The following CA10 variants were observed in gnomAD, a reference collection of about 807,000 sequenced individuals.
CA10 encodes the protein carbonic anhydrase 10 (inactive).
CA10 carries 14 observed loss-of-function variants against 44.2 expected under a neutral mutation model. That is an observed-to-expected ratio of 0.32 (90% CI 0.21 to 0.50). The LOEUF is 0.50. Ranked by LOEUF, CA10 falls within the 20% of genes least tolerant of loss-of-function variation. The probability of loss-of-function intolerance (pLI) is 0.99; values close to 1 mark genes in which losing one functional copy is unlikely to be tolerated. For synonymous variants in CA10, 159 were observed against 141.6 expected (o/e 1.12, Z -0.87); for missense variants, 350 against 409.7 (o/e 0.85, Z 1.26).
intron 2 of CA10, among the ~76,000 whole-genome samples, chr17:51,984,098 A>G (rs1444708567): frequency 6.6e-6 from 1 of 151,750 alleles, no homozygotes; most frequent in East Asian, 1.9e-4. Flanking sequence ...ATTCTATTAG[A>G]CTACTAATGT....
intron 4 of CA10, among the ~76,000 whole-genome samples, chr17:51,670,949 A>T (rs1266830985): frequency 6.6e-6 from 1 of 152,132 alleles, no homozygotes; most frequent in South Asian, 2.1e-4. Flanking sequence ...CCTCTAATAG[A>T]CGGAAGTGCT....
intron 3 of CA10, among the ~76,000 whole-genome samples, chr17:51,801,848 A>G (rs999213086): frequency 6.6e-6 from 1 of 152,226 alleles, no homozygotes; most frequent in Non-Finnish European, 1.5e-5. Flanking sequence ...TGTAATTCCC[A>G]TAGTGGTTCT....
At chr17:51,757,107 G>A (rs929305413) in intron 3 of CA10, among the ~76,000 whole-genome samples, 4 of 152,144 alleles carry the variant, frequency 2.6e-5, no homozygotes, top group Admixed American at 6.5e-5. Flanking sequence ...CTGCTGAGGT[G>A]TGTAATAGGC....
intron 3 of CA10, among the ~76,000 whole-genome samples, chr17:51,887,411 T>C (rs551875512): frequency 6.6e-6 from 1 of 152,256 alleles, no homozygotes; most frequent in Admixed American, 6.5e-5. Context: ...GACTCTGAGA[T>C]GAGTAGAAAC....
intron 4 of CA10, among the ~76,000 whole-genome samples, chr17:51,721,879 C>T (rs970815548): frequency 8.5e-5 from 13 of 152,090 alleles, no homozygotes; most frequent in Non-Finnish European, 1.3e-4. Flanking sequence ...TGTTCCATGT[C>T]GCTGCTCCTG....
chr17:52,044,410 C>T (rs1986852358), intron 2 of CA10, among the ~76,000 whole-genome samples: 1 of 152,028 alleles, frequency 6.6e-6, no homozygotes, highest in South Asian at 2.1e-4. Context: ...CTCAAGCAAT[C>T]CTCCCACCTC....
At chr17:51,693,646 T>A (rs993835488) in intron 4 of CA10, among the ~76,000 whole-genome samples, 4 of 152,194 alleles carry the variant, frequency 2.6e-5, no homozygotes, top group Admixed American at 1.3e-4. Flanking sequence ...TCCAGCTGCA[T>A]CCATATTCCT....
intron 4 of CA10, among the ~76,000 whole-genome samples, chr17:51,658,408 T>C (rs1913880570): frequency 1.3e-5 from 2 of 152,036 alleles, no homozygotes; most frequent in African/African-American, 4.8e-5. Flanking sequence ...AAGGTAGTAG[T>C]GGAAAGAATG....
At chr17:51,888,301 T>C (rs1980704554) in intron 3 of CA10, among the ~76,000 whole-genome samples, 1 of 151,386 alleles carries the variant, frequency 6.6e-6, no homozygotes, top group Non-Finnish European at 1.5e-5. Flanking sequence ...TGGTTCAGAG[T>C]TTTCCAGACA....
At chr17:51,731,078 T>C (rs954530328) in intron 4 of CA10, among the ~76,000 whole-genome samples, 1 of 152,238 alleles carries the variant, frequency 6.6e-6, no homozygotes, top group African/African-American at 2.4e-5. Context: ...ACAGGCTCCA[T>C]ATCAAGAAAG....
intron 1 of CA10, among the ~76,000 whole-genome samples, chr17:52,089,070 T>C (rs1255164603): frequency 6.6e-6 from 1 of 152,216 alleles, no homozygotes; most frequent in East Asian, 1.9e-4. Flanking sequence ...GGCAGGATCA[T>C]GTAATCACGA....
intron 4 of CA10, among the ~76,000 whole-genome samples, chr17:51,709,370 A>C (rs1051910945): frequency 2.0e-5 from 3 of 152,220 alleles, no homozygotes; most frequent in African/African-American, 7.2e-5. Flanking sequence ...CTGGGGGCTT[A>C]GAGTTCAGGC....
intron 4 of CA10, among the ~76,000 whole-genome samples, chr17:51,716,203 TG>T (rs1916109600): frequency 6.6e-6 from 1 of 152,172 alleles, no homozygotes; most frequent in South Asian, 2.1e-4. Context: ...GACGGTCCCC[TG>T]GGTCACCTTA....
At chr17:52,102,449 T>C (rs1027807656) in intron 1 of CA10, among the ~76,000 whole-genome samples, 9 of 152,222 alleles carry the variant, frequency 5.9e-5, no homozygotes, top group African/African-American at 2.2e-4. Flanking sequence ...CTTAAACTTG[T>C]TTGAATCGCA....
intron 3 of CA10, among the ~76,000 whole-genome samples, chr17:51,845,249 CAGG>C (rs1356993484): frequency 6.6e-6 from 1 of 152,208 alleles, no homozygotes; most frequent in Non-Finnish European, 1.5e-5. Flanking sequence ...AACATCAGCA[CAGG>C]AGATCACTTC....
At chr17:52,083,341 G>GAA (rs1988031756) in intron 1 of CA10, among the ~76,000 whole-genome samples, 1 of 151,564 alleles carries the variant, frequency 6.6e-6, no homozygotes. Context: ...GAAAATACAT[G>GAA]GCACCCTGGG....
chr17:51,760,738 T>C (rs1231817486), intron 3 of CA10, among the ~76,000 whole-genome samples: 1 of 152,206 alleles, frequency 6.6e-6, no homozygotes, highest in Non-Finnish European at 1.5e-5. Context: ...TCCTGTCCAA[T>C]ACAGCAGCTA....
intron 3 of CA10, among the ~76,000 whole-genome samples, chr17:51,791,375 AAATT>A (rs765669880): frequency 6.6e-6 from 1 of 152,226 alleles, no homozygotes; most frequent in Non-Finnish European, 1.5e-5. Context: ...TACAAAGTTA[AAATT>A]AATATTCCAT....
At chr17:52,112,335 T>C (rs143691688) in intron 1 of CA10, among the ~76,000 whole-genome samples, 97 of 152,320 alleles carry the variant, frequency 6.4e-4, no homozygotes, top group Non-Finnish European at 1.2e-3. Context: ...CCATAAACTA[T>C]GGACCAAATC....
Sources: gnomAD v4.1 joint callset for allele counts (sites outside exome capture counted in the v4.1 genomes callset) on GRCh38, gnomAD v4.1.1 for gene constraint, MANE v1.5 for transcripts, NCBI Gene and HGNC (gene_info 2026-07-23, HGNC 2026-07-21) for gene names.